Variants in USH2A observed in about 807,000 individuals in gnomAD.
The protein encoded by USH2A is usherin.
USH2A carries 443 observed loss-of-function variants against 538.9 expected under a neutral mutation model. The observed-to-expected ratio is 0.82, with a 90% CI of 0.76 to 0.89. USH2A has a LOEUF of 0.89. USH2A is among the 40% of genes least tolerant of loss of function. The probability of loss-of-function intolerance (pLI) is 0.00; values close to 1 mark genes in which losing one functional copy is unlikely to be tolerated. For missense variants in USH2A, 6,633 were observed against 6,324.8 expected (o/e 1.05, Z -1.65); for synonymous variants, 2,413 against 2,273.5 (o/e 1.06, Z -1.75).
At chr1:216,124,070 T>G (rs570817312) in intron 21 of USH2A, among the ~76,000 whole-genome samples, 1 of 152,268 alleles carries the variant, frequency 6.6e-6, no homozygotes, top group South Asian at 2.1e-4. Context: ...TTCTGCATAT[T>G]TTTTAGGCTG....
intron 9 of USH2A, among the ~76,000 whole-genome samples, chr1:216,309,707 G>C (rs937371278): frequency 6.6e-6 from 1 of 152,022 alleles, no homozygotes; most frequent in Non-Finnish European, 1.5e-5. Flanking sequence ...CTATTAAGTT[G>C]AGTATGTTCT....
chr1:216,236,255 T>C (rs1269914673), intron 13 of USH2A, among the ~76,000 whole-genome samples: 1 of 152,140 alleles, frequency 6.6e-6, no homozygotes, highest in Non-Finnish European at 1.5e-5. Context: ...TGCTGATTCC[T>C]ATTTCCTTTT....
At chr1:216,340,648 C>T (rs1159062421) in intron 4 of USH2A, among the ~76,000 whole-genome samples, 2 of 151,954 alleles carry the variant, frequency 1.3e-5, no homozygotes, top group Non-Finnish European at 2.9e-5. Flanking sequence ...CCTTATCCAC[C>T]ACGACCAAGC....
At chr1:215,969,589 C>T (rs1413377874) in intron 36 of USH2A, among the ~76,000 whole-genome samples, 1 of 151,056 alleles carries the variant, frequency 6.6e-6, no homozygotes, top group Middle Eastern at 3.4e-3. Flanking sequence ...TGGCCTATTG[C>T]CATTCCTGCA....
chr1:215,733,877 A>G (rs1194337861), intron 60 of USH2A, among the ~76,000 whole-genome samples: 2 of 152,196 alleles, frequency 1.3e-5, no homozygotes, highest in African/African-American at 4.8e-5. Flanking sequence ...GGCTGCTCTC[A>G]TATATTGGAG....
At chr1:216,044,542 A>C (rs570009469) in intron 32 of USH2A, among the ~76,000 whole-genome samples, 1 of 152,154 alleles carries the variant, frequency 6.6e-6, no homozygotes, top group African/African-American at 2.4e-5. Context: ...AGTTTTTACA[A>C]TGAACTCTGT....
chr1:216,289,107 A>G (rs761645128), intron 11 of USH2A, among the ~76,000 whole-genome samples, 173 bp downstream of exon 11: 1 of 152,210 alleles, frequency 6.6e-6, no homozygotes, highest in Non-Finnish European at 1.5e-5. Context: ...AACTAGTGCT[A>G]TATTTCATGT....
chr1:215,964,697 T>C (rs1399943757), intron 37 of USH2A, among the ~76,000 whole-genome samples: 1 of 152,204 alleles, frequency 6.6e-6, no homozygotes, highest in African/African-American at 2.4e-5. Flanking sequence ...TATTAAAATA[T>C]ATACCTGCTC....
intron 11 of USH2A, among the ~76,000 whole-genome samples, chr1:216,270,552 A>G (rs2036555042): frequency 6.6e-6 from 1 of 152,108 alleles, no homozygotes; most frequent in African/African-American, 2.4e-5. Flanking sequence ...GAGTTTTGAA[A>G]GGTCATACTA....
At chr1:216,390,826 C>T (rs1239516992) in intron 3 of USH2A, among the ~76,000 whole-genome samples, 6 of 152,074 alleles carry the variant, frequency 3.9e-5, no homozygotes, top group African/African-American at 9.7e-5. Flanking sequence ...GTTGCAATTG[C>T]TCATCAATAA....
chr1:215,948,775 C>T (rs2102438636), intron 37 of USH2A, among the ~76,000 whole-genome samples: 1 of 151,994 alleles, frequency 6.6e-6, no homozygotes. Context: ...CTGGGGTTCT[C>T]AATGGATAGG....
At chr1:216,294,562 G>C (rs2037067968) in intron 9 of USH2A, among the ~76,000 whole-genome samples, 1 of 151,434 alleles carries the variant, frequency 6.6e-6, no homozygotes, top group Non-Finnish European at 1.5e-5. Flanking sequence ...GGGATCGGGA[G>C]TGGATATATA....
chr1:215,851,990 C>G (rs934795565), intron 44 of USH2A, among the ~76,000 whole-genome samples: 1 of 152,044 alleles, frequency 6.6e-6, no homozygotes, highest in East Asian at 1.9e-4. Context: ...ATCCAGCATC[C>G]CTTTATAATT....
At chr1:216,255,007 C>T (rs984599144) in intron 11 of USH2A, among the ~76,000 whole-genome samples, 2 of 152,220 alleles carry the variant, frequency 1.3e-5, no homozygotes, top group African/African-American at 4.8e-5. Context: ...TGATCAACTA[C>T]TTCTGAGCTT....
chr1:216,294,357 T>C (rs189858241), intron 9 of USH2A, among the ~76,000 whole-genome samples: 1 of 152,108 alleles, frequency 6.6e-6, no homozygotes, highest in African/African-American at 2.4e-5. Context: ...TATATGCATA[T>C]ATTTCTTCTT....
chr1:216,129,984 C>T (rs1268293746), intron 21 of USH2A, among the ~76,000 whole-genome samples: 6 of 151,988 alleles, frequency 3.9e-5, no homozygotes, highest in Non-Finnish European at 7.4e-5. Context: ...ATAAATGATG[C>T]TGGGAAAACT....
intron 38 of USH2A, among the ~76,000 whole-genome samples, chr1:215,921,299 G>A (rs555903028): frequency 6.6e-6 from 1 of 152,028 alleles, no homozygotes; most frequent in Admixed American, 6.6e-5. Flanking sequence ...CCAACTGGTT[G>A]GTTTCTTTGC....
In USH2A at chr1:216,408,747, A is replaced by G. The variant is rs551929096; in HGVS notation, c.651+9767T>C. On this transcript the variant is annotated intron_variant, in intron 3 of 71. Coordinates refer to ENST00000307340, the MANE Select transcript of USH2A (RefSeq NM_206933.4). ...CTTTGGGGCCATTAAGAAGTGAAAT[A>G]CAGTTTCCTTGAACACAAGTTACAA... is the stretch of plus-strand genomic sequence containing the variant. Among the ~76,000 whole-genome samples, 57 of 152,296 alleles carry G rather than the reference A, an allele frequency of 3.7e-4. 1 individual carries two copies. Among genetic ancestry groups the G allele is most frequent in the South Asian group, 1.0e-3 (5 of 4,832 alleles).
chr1:216,302,055 A>G (rs1422767771), intron 9 of USH2A, among the ~76,000 whole-genome samples: 3 of 152,134 alleles, frequency 2.0e-5, no homozygotes, highest in African/African-American at 4.8e-5. Flanking sequence ...CTTTTTTCCA[A>G]TGGAAGTGTC....
Sources: gnomAD v4.1 joint callset for allele counts (sites outside exome capture counted in the v4.1 genomes callset) on GRCh38, gnomAD v4.1.1 for gene constraint, MANE v1.5 for transcripts, NCBI Gene and HGNC (gene_info 2026-07-23, HGNC 2026-07-21) for gene names.